MESD: variants seen among roughly 807,000 people sequenced by gnomAD.
MESD encodes mesoderm development LRP chaperone, also known as LRP chaperone MESD.
MESD carries 7 observed loss-of-function variants against 12.9 expected under a neutral mutation model. The observed-to-expected ratio is 0.54, with a 90% confidence interval of 0.31 to 1.02. The LOEUF (loss-of-function observed/expected upper bound fraction) is 1.02. MESD is among the 50% of genes least tolerant of loss of function. MESD has a pLI of 0.05. For synonymous variants in MESD, 126 were observed against 115.6 expected (o/e 1.09, Z -0.58); for missense variants, 342 against 296.7 (o/e 1.15, Z -1.12).
intron 1 of MESD, among the ~76,000 whole-genome samples, chr15:80,983,717 T>C (rs1232565644): frequency 2.0e-5 from 3 of 152,062 alleles, no homozygotes; most frequent in Admixed American, 1.3e-4. Flanking sequence ...GCTCAAAGAA[T>C]CGTGAACATG....
In MESD at chr15:80,978,979, AT is replaced by A; in HGVS notation, c.*239del. ...CACAGTCACATTTCCATGTAAGGAG[AT>A]TTTATAGTAAACATGAATTTGTCAG... On this transcript the variant is annotated 3_prime_UTR_variant, in exon 3 of 3. Transcript: ENST00000261758. The A allele has an allele frequency of 1.8e-6, 1 of 559,124 alleles. No homozygotes were observed. The highest frequency in any genetic ancestry group is 2.6e-5 in the South Asian group (1 of 38,696). The allele number at this position is 559,124 out of a possible 1,614,324, so 34.6% of individuals were successfully genotyped here.
At chr15:80,955,661 C>T (rs1426666499) in intron 3 of MESD, among the ~76,000 whole-genome samples, 2 of 148,496 alleles carry the variant, frequency 1.3e-5, no homozygotes, top group African/African-American at 2.5e-5. Flanking sequence ...GTCTCTTTAG[C>T]CCAGGCTGGA....
At chr15:80,951,417 A>C (rs180849686) in intron 4 of MESD, 201 of 152,590 alleles carry the variant, frequency 1.3e-3, no homozygotes, top group African/African-American at 4.6e-3. Context: ...CCTCCTTGTT[A>C]TTTCTGTTTG....
At chr15:80,973,033 A>G (rs1373655666), downstream of MESD, among the ~76,000 whole-genome samples, 9 of 151,798 alleles carry the variant, frequency 5.9e-5, no homozygotes, top group Non-Finnish European at 2.9e-5. Flanking sequence ...AAAAACAAAC[A>G]AACAAAAAAA....
At chr15:80,959,182 A>T (rs1902041791) in intron 3 of MESD, among the ~76,000 whole-genome samples, 1 of 152,066 alleles carries the variant, frequency 6.6e-6, no homozygotes, top group South Asian at 2.1e-4. Context: ...GAGTTGGGGG[A>T]GACAGTTTTC....
At chr15:80,956,735 T>C (rs10152657) in intron 3 of MESD, among the ~76,000 whole-genome samples, 35,331 of 152,086 alleles carry the variant, frequency 0.23, 4,432 homozygotes, top group Middle Eastern at 0.37. Flanking sequence ...TTTACAAACC[T>C]GGGATATATG....
chr15:80,974,747 T>A (rs1902368100), downstream of MESD, among the ~76,000 whole-genome samples: 2 of 143,442 alleles, frequency 1.4e-5, no homozygotes, highest in Non-Finnish European at 3.0e-5. Context: ...GAAAAAAGAT[T>A]CAGAAAAAAA....
rs904535166 is a variant in MESD, at chr15:80,988,440, T to C, written c.213+1139A>G. 2.0e-4 allele frequency among the ~76,000 whole-genome samples: 30 copies of C among 152,128 alleles called. 1 individual carries two copies. The highest frequency in any genetic ancestry group is 2.9e-5 in the Non-Finnish European group (2 of 68,014). ...GTCAAGGGGAGGATTTCTCATGAGG[T>C]GATGTTCTCACTCTGGCAGATCAAA... is the stretch of plus-strand genomic sequence containing the variant. On this transcript the variant is annotated intron_variant, in intron 1 of 2. Coordinates refer to ENST00000261758, the MANE Select transcript of MESD (RefSeq NM_015154.3).
At position 80,947,345 on chromosome 15, in the gene MESD, T is replaced by C. The variant is rs11858908; in HGVS notation, c.*2180A>G. On this transcript the variant is annotated 3_prime_UTR_variant, in exon 5 of 5. Coordinates refer to the MESD transcript ENST00000561312. Reference sequence around the variant, plus strand: ...GACTCATTTGCTTGGAAAGTGGCCCTTTATTCAACAAAAGTATCATAAGAA... The same window carrying C: ...GACTCATTTGCTTGGAAAGTGGCCCCTTATTCAACAAAAGTATCATAAGAA... 1,572 of 433,396 alleles carry C rather than the reference T, an allele frequency of 3.6e-3. 33 individuals are homozygous for C. Among genetic ancestry groups the C allele is most frequent in the African/African-American group, 0.028 (1,426 of 50,276 alleles). The allele number at this position is 433,396 out of a possible 1,614,324, so 26.8% of individuals were successfully genotyped here. A position where few individuals can be genotyped will look rare whatever the true frequency, so the allele number is the denominator to read the frequency against.
At chr15:80,987,761 T>C (rs12904562) in intron 1 of MESD, among the ~76,000 whole-genome samples, 6,170 of 148,622 alleles carry the variant, frequency 0.042, 204 homozygotes, top group Non-Finnish European at 0.061. Context: ...AGTGTTGGGA[T>C]TACAGGCGTG....
chr15:80,979,051 A>G lies in MESD; in HGVS notation c.*168T>C. 1.2e-6 allele frequency: 1 copy of G among 830,880 alleles called. No homozygotes were observed. The highest frequency in any genetic ancestry group is 1.9e-6 in the Non-Finnish European group (1 of 533,338). The allele number at this position is 830,880 out of a possible 1,614,324, so 51.5% of individuals were successfully genotyped here. A position where few individuals can be genotyped will look rare whatever the true frequency, so the allele number is the denominator to read the frequency against. On this transcript the variant is annotated 3_prime_UTR_variant, in exon 3 of 3. Coordinates refer to ENST00000261758, the MANE Select transcript of MESD (RefSeq NM_015154.3). Reference sequence around the variant, plus strand: ...ACATCTGTCTTCTTACTTGAAGCCTATTAAGCAGTAATTCTTTGACCACAA... The same window carrying G: ...ACATCTGTCTTCTTACTTGAAGCCTGTTAAGCAGTAATTCTTTGACCACAA...
At chr15:80,973,337 AC>A (rs1411194018), downstream of MESD, among the ~76,000 whole-genome samples, 3 of 151,980 alleles carry the variant, frequency 2.0e-5, no homozygotes, top group African/African-American at 7.3e-5. Flanking sequence ...ACATGATGAA[AC>A]CTCGTCTCTC....
intron 3 of MESD, among the ~76,000 whole-genome samples, chr15:80,954,155 C>A (rs1412590612): frequency 6.6e-6 from 1 of 152,226 alleles, no homozygotes; most frequent in Non-Finnish European, 1.5e-5. Flanking sequence ...AAAGCCTTCT[C>A]TGACCCATGC....
downstream of MESD, chr15:80,946,461 A>C (rs1901556718): frequency 5.9e-6 from 1 of 168,398 alleles, no homozygotes. Flanking sequence ...TAGAACCTTC[A>C]GGAGCTCCTG....
At position 80,979,375 on chromosome 15, in the gene MESD, T is replaced by C. The variant is rs1262812742; in HGVS notation, c.549A>G (p.Val183=). 6.2e-7 allele frequency: 1 copy of C among 1,614,210 alleles called. No homozygotes were observed. The highest frequency in any genetic ancestry group is 1.3e-5 in the African/African-American group (1 of 75,050). ...FLVGQDRCAD[V]TLEGQVYPGK... is the part of the protein sequence containing the mutation. ...CGGGGTACACCTGGCCCTCCAGAGTTACATCAGCACACCTGTCTTGACCGA... is the reference window on the plus strand; with the variant it reads ...CGGGGTACACCTGGCCCTCCAGAGTCACATCAGCACACCTGTCTTGACCGA... Residue 183 remains valine, a synonymous_variant, in exon 3 of 3, where the codon GTA becomes GTG. Transcript: ENST00000261758.
At chr15:80,984,565 T>C (rs1384601403) in intron 1 of MESD, among the ~76,000 whole-genome samples, 1 of 152,194 alleles carries the variant, frequency 6.6e-6, no homozygotes, top group African/African-American at 2.4e-5. Flanking sequence ...AGACAGAAGG[T>C]AGATAAGCGA....
In MESD at chr15:80,978,398, T is replaced by C. The variant is rs1181732633; in HGVS notation, c.*821A>G. On this transcript the variant is annotated 3_prime_UTR_variant, in exon 3 of 3. Coordinates refer to ENST00000261758, the MANE Select transcript of MESD (RefSeq NM_015154.3). ...CGAAAGCACAGATTTAGGCACTTTA[T>C]CAAAGAAAAATGTTTAGAAACAAAT... 3.3e-5 allele frequency: 5 copies of C among 152,168 alleles called. No individual in the cohort carries two copies. The highest frequency in any genetic ancestry group is 7.3e-5 in the Non-Finnish European group (5 of 68,046). 9.4% of individuals were successfully genotyped at this position (152,168 alleles called of 1,614,324 possible).
intron 1 of MESD, among the ~76,000 whole-genome samples, chr15:80,986,328 A>G (rs1902730603): frequency 6.6e-6 from 1 of 152,220 alleles, no homozygotes; most frequent in Non-Finnish European, 1.5e-5. Context: ...TAGGAAGAAT[A>G]AATTCTAGTG....
chr15:80,957,528 T>A (rs547865951), intron 3 of MESD, among the ~76,000 whole-genome samples: 1 of 152,284 alleles, frequency 6.6e-6, no homozygotes, highest in East Asian at 1.9e-4. Context: ...ACCTTTCCTC[T>A]CTTCATATTT....
Sources: gnomAD v4.1 joint callset for allele counts (sites outside exome capture counted in the v4.1 genomes callset) on GRCh38, gnomAD v4.1.1 for gene constraint, MANE v1.5 for transcripts, NCBI Gene and HGNC (gene_info 2026-07-23, HGNC 2026-07-21) for gene names.